HIPK2: variants seen among roughly 807,000 people sequenced by gnomAD.
HIPK2 encodes homeodomain interacting protein kinase 2.
Under a neutral mutation model 113.7 loss-of-function variants are expected in HIPK2, and 27 were observed. That is an observed-to-expected ratio of 0.24 (90% CI 0.17 to 0.33). The LOEUF (loss-of-function observed/expected upper bound fraction) is 0.33, where lower values mean the gene tolerates loss of function less well. Among genes scored for constraint, HIPK2 ranks in the 10% least tolerant of loss-of-function variants. HIPK2 has a pLI of 1.00. For missense variants in HIPK2, 1,257 were observed against 1,588.0 expected, an observed-to-expected ratio of 0.79 and a Z score of 3.54; for synonymous variants, 631 against 642.2, an observed-to-expected ratio of 0.98 and a Z score of 0.26.
At chr7:139,685,069 T>C (rs1035851864) in intron 2 of HIPK2, among the ~76,000 whole-genome samples, 1 of 152,162 alleles carries the variant, frequency 6.6e-6, no homozygotes, top group Non-Finnish European at 1.5e-5. Context: ...CTCCATAACA[T>C]AAAAATGCAA....
chr7:139,635,178 C>T (rs1249678037), intron 2 of HIPK2, among the ~76,000 whole-genome samples: 1 of 152,190 alleles, frequency 6.6e-6, no homozygotes, highest in African/African-American at 2.4e-5. Context: ...ACCTCTGTCC[C>T]CCGATTCTTG....
rs1319212937 is a variant in HIPK2, at chr7:139,752,180, G to A, written c.19+25425C>T. The stretch of plus-strand genomic sequence containing the variant: ...CCTGTGTGCACACACATGCTCAGAA[G>A]CTATTTCAAATGGTCTCCAACCTCC... On this transcript the variant is annotated intron_variant, in intron 1 of 14. Coordinates refer to ENST00000406875, the MANE Select transcript of HIPK2 (RefSeq NM_022740.5). 2.0e-5 allele frequency among the ~76,000 whole-genome samples: 3 copies of A among 152,270 alleles called. No homozygotes were observed. The East Asian group carries it at 5.8e-4, about 29-fold the overall frequency.
chr7:139,656,029 T>C (rs1241884945), intron 2 of HIPK2, among the ~76,000 whole-genome samples: 1 of 152,166 alleles, frequency 6.6e-6, no homozygotes, highest in East Asian at 1.9e-4. Flanking sequence ...CTCAACTCGC[T>C]TTCCAAGTCC....
chr7:139,771,225 C>T (rs1407929409), intron 1 of HIPK2, among the ~76,000 whole-genome samples: 1 of 152,144 alleles, frequency 6.6e-6, no homozygotes, highest in Non-Finnish European at 1.5e-5. Flanking sequence ...CCTGACACTG[C>T]TCTGAATCAT....
At chr7:139,700,092 T>C (rs1284163730) in intron 2 of HIPK2, among the ~76,000 whole-genome samples, 2 of 151,888 alleles carry the variant, frequency 1.3e-5, no homozygotes, top group African/African-American at 4.8e-5. Flanking sequence ...TCAGTGGCGC[T>C]CTCTAGAGGG....
chr7:139,640,139 C>T (rs960091211), intron 2 of HIPK2, among the ~76,000 whole-genome samples: 2 of 152,152 alleles, frequency 1.3e-5, no homozygotes, highest in African/African-American at 2.4e-5. Flanking sequence ...TTTAAACACA[C>T]ATGAAGTGTC....
rs112610354 is a variant in HIPK2, at chr7:139,656,535, C to T, written c.1104-24810G>A. Among the ~76,000 whole-genome samples the T allele has an allele frequency of 7.1e-3, 1,085 of 152,296 alleles. 8 individuals carry two copies. Among genetic ancestry groups the T allele is most frequent in the African/African-American group, 0.025 (1,020 of 41,548 alleles). ...AACAGTCTCTTGGCTAGTTTCTCTGCCTCTAATCTTTCCCTCCGTCCAATC... is the reference window on the plus strand; with the variant it reads ...AACAGTCTCTTGGCTAGTTTCTCTGTCTCTAATCTTTCCCTCCGTCCAATC... On this transcript the variant is annotated intron_variant, in intron 2 of 14. Coordinates refer to ENST00000406875, the MANE Select transcript of HIPK2 (RefSeq NM_022740.5).
intron 1 of HIPK2, among the ~76,000 whole-genome samples, chr7:139,771,768 A>G (rs1267779060): frequency 6.6e-6 from 1 of 152,210 alleles, no homozygotes; most frequent in Non-Finnish European, 1.5e-5. Flanking sequence ...GAGAGAGTTC[A>G]GAAGAGAGAA....
Position 139,565,832 on chromosome 7 carries a change from G to C in HIPK2, c.*7095C>G, listed in dbSNP as rs1024251904. On this transcript the variant is annotated 3_prime_UTR_variant, in exon 15 of 15. Transcript: ENST00000406875. Reference sequence around the variant, plus strand: ...CTGGTTCTGCCCAGAGCTGAAGAGTGAATCTATTACAGAGATCAGAGCTGT... The same window carrying C: ...CTGGTTCTGCCCAGAGCTGAAGAGTCAATCTATTACAGAGATCAGAGCTGT... 1 of 151,238 alleles carries C rather than the reference G, an allele frequency of 6.6e-6. No individual in the cohort carries two copies. The highest frequency in any genetic ancestry group is 6.6e-5 in the Admixed American group (1 of 15,188). The allele number at this position is 151,238 out of a possible 1,614,324, so 9.4% of individuals were successfully genotyped here.
rs369451257 is a variant in HIPK2 at position 139,714,692 on chromosome 7, C to T, written c.1103+1240G>A. Among the ~76,000 whole-genome samples the T allele has an allele frequency of 6.6e-4, 101 of 152,336 alleles. No individual in the cohort carries two copies. Among genetic ancestry groups the T allele is most frequent in the East Asian group, 4.2e-3 (22 of 5,182 alleles). Reference sequence around the variant, plus strand: ...CCCCGGTCTTCCTGCCTACGTGGCACGCTCTTAAATGTGCATCCGTCCCAT... The same window carrying T: ...CCCCGGTCTTCCTGCCTACGTGGCATGCTCTTAAATGTGCATCCGTCCCAT... On this transcript the variant is annotated intron_variant, in intron 2 of 14. Transcript: ENST00000406875. This position sits in a 1 kb window ranked among gnomAD's most constrained non-coding sequence, Gnocchi z 4.2.
intron 2 of HIPK2, among the ~76,000 whole-genome samples, chr7:139,696,688 G>A (rs2116821520): frequency 6.6e-6 from 1 of 152,262 alleles, no homozygotes; most frequent in Admixed American, 6.5e-5. Flanking sequence ...CCTCTAAATG[G>A]CAGCACAAAG....
chr7:139,760,264 A>G (rs1431509905), intron 1 of HIPK2, among the ~76,000 whole-genome samples: 1 of 152,176 alleles, frequency 6.6e-6, no homozygotes, highest in African/African-American at 2.4e-5. Context: ...TCGGCCTCCC[A>G]AAGTGCTGGG....
chr7:139,641,691 G>A lies in HIPK2; in HGVS notation c.1104-9966C>T, dbSNP rs1801030021. ...TATTACTGTGTCTGCTTATGGCATC[G>A]GCGGCAACAAGGGCTGGGACGCAGG... On this transcript the variant is annotated intron_variant, in intron 2 of 14. Coordinates refer to ENST00000406875, the MANE Select transcript of HIPK2 (RefSeq NM_022740.5). Among the ~76,000 whole-genome samples, 5 of 152,124 alleles carry A rather than the reference G, an allele frequency of 3.3e-5. 1 individual carries two copies. The South Asian group carries it at 6.2e-4, about 19-fold the overall frequency.
chr7:139,776,474 T>C (rs1796752837), intron 1 of HIPK2, among the ~76,000 whole-genome samples: 2 of 152,016 alleles, frequency 1.3e-5, no homozygotes, highest in African/African-American at 4.8e-5. Context: ...ATGCCTTCCC[T>C]GTCTCACTGG....
At chr7:139,577,672 A>G (rs898743727) in intron 13 of HIPK2, among the ~76,000 whole-genome samples, 2 of 152,202 alleles carry the variant, frequency 1.3e-5, no homozygotes, top group Admixed American at 6.5e-5. Flanking sequence ...CTTAAACGCT[A>G]AAGAACAGTA....
At chr7:139,621,131 A>G (rs1020094704) in intron 6 of HIPK2, among the ~76,000 whole-genome samples, 1 of 152,218 alleles carries the variant, frequency 6.6e-6, no homozygotes, top group Non-Finnish European at 1.5e-5. Context: ...AACAGTAATA[A>G]TACTAATAAT....
chr7:139,577,547 G>A (rs1440537385), intron 13 of HIPK2, among the ~76,000 whole-genome samples: 1 of 152,184 alleles, frequency 6.6e-6, no homozygotes, highest in Non-Finnish European at 1.5e-5. Context: ...CAATGACAAC[G>A]GAAGCAGAAA....
At position 139,756,713 on chromosome 7, in the gene HIPK2, C is replaced by T. The variant is rs182818780; in HGVS notation, c.19+20892G>A. On this transcript the variant is annotated intron_variant, in intron 1 of 14. Coordinates refer to ENST00000406875, the MANE Select transcript of HIPK2 (RefSeq NM_022740.5). ...GTGCTGGGATTACAAGCATGAGCCA[C>T]CGCATCCAGTCAGACTTTATTTTTG... Among the ~76,000 whole-genome samples the T allele has an allele frequency of 4.0e-3, 605 of 152,342 alleles. 1 individual carries two copies. Among genetic ancestry groups the T allele is most frequent in the Non-Finnish European group, 5.4e-3 (367 of 68,040 alleles).
At chr7:139,729,324 TGAGAGAGAGAGAGAGAGAGAGAGA>T (rs71170912) in intron 1 of HIPK2, among the ~76,000 whole-genome samples, 2,438 of 69,212 alleles carry the variant, frequency 0.035, 36 homozygotes, top group Non-Finnish European at 0.05. Context: ...ACCCTGTCTC[TGAGAGAGAGAGAGAGAGAGAGAGA>T]GAGAGAGAGA....
Sources: gnomAD v4.1 joint callset for allele counts (sites outside exome capture counted in the v4.1 genomes callset) on GRCh38, gnomAD v4.1.1 for gene constraint, Gnocchi (gnomAD v3.1) non-coding constraint, MANE v1.5 for transcripts, NCBI Gene and HGNC (gene_info 2026-07-23, HGNC 2026-07-21) for gene names.